Variants in PAK5 observed in about 807,000 individuals in gnomAD.
PAK5 encodes the protein serine/threonine-protein kinase PAK 5.
PAK5 carries 16 observed loss-of-function variants against 65.9 expected under a neutral mutation model. The ratio of observed to expected loss-of-function variants is 0.24; its 90% CI spans 0.16 to 0.37. The LOEUF (loss-of-function observed/expected upper bound fraction) is 0.37. PAK5 is among the 10% of genes least tolerant of loss of function. PAK5 has a pLI of 1.00. For missense variants in PAK5, 785 were observed against 903.9 expected (o/e 0.87, Z 1.69); for synonymous variants, 371 against 354.9 (o/e 1.05, Z -0.51).
chr20:9,714,797 G>A (rs868228622), intron 1 of PAK5, among the ~76,000 whole-genome samples: 1 of 152,084 alleles, frequency 6.6e-6, no homozygotes, highest in Non-Finnish European at 1.5e-5. Flanking sequence ...AATGGGGAAA[G>A]GAGTCCCTAT....
chr20:9,823,388 G>A lies in PAK5; in HGVS notation c.-162+15374C>T, dbSNP rs373610557. On this transcript the variant is annotated intron_variant, in intron 1 of 9. Coordinates refer to ENST00000353224, the MANE Select transcript of PAK5 (RefSeq NM_177990.4). Reference sequence around the variant, plus strand: ...TCTGATATGGTTTGGCTGTGTCCCCGCCCAAATCTCACCTTGAATTATAAT... The same window carrying A: ...TCTGATATGGTTTGGCTGTGTCCCCACCCAAATCTCACCTTGAATTATAAT... 4.9e-4 allele frequency among the ~76,000 whole-genome samples: 75 copies of A among 152,284 alleles called. 1 individual carries two copies. Among genetic ancestry groups the A allele is most frequent in the African/African-American group, 1.5e-3 (63 of 41,582 alleles).
intron 1 of PAK5, among the ~76,000 whole-genome samples, chr20:9,789,382 A>T (rs1194984757): frequency 6.6e-6 from 1 of 152,192 alleles, no homozygotes; most frequent in Non-Finnish European, 1.5e-5. Context: ...TCGCAATTCA[A>T]AGTGAAAAAC....
intron 1 of PAK5, among the ~76,000 whole-genome samples, chr20:9,744,113 T>C (rs993047124): frequency 2.0e-5 from 3 of 152,176 alleles, no homozygotes; most frequent in African/African-American, 7.2e-5. Flanking sequence ...GATGGTCTCC[T>C]ATGGCCTCTG....
At chr20:9,592,053 C>A (rs963373323) in intron 3 of PAK5, among the ~76,000 whole-genome samples, 1 of 152,046 alleles carries the variant, frequency 6.6e-6, no homozygotes, top group African/African-American at 2.4e-5. Context: ...ATGCCTTATG[C>A]AAAAAATAGA....
intron 1 of PAK5, among the ~76,000 whole-genome samples, chr20:9,797,354 G>C (rs1162506058): frequency 6.6e-6 from 1 of 151,908 alleles, no homozygotes; most frequent in Non-Finnish European, 1.5e-5. Flanking sequence ...TAGGGACATG[G>C]ATGAAGCTGG....
Position 9,756,055 on chromosome 20 carries a change from G to A in PAK5, c.-161-44620C>T, listed in dbSNP as rs140090483. On this transcript the variant is annotated intron_variant, in intron 1 of 9. Transcript: ENST00000353224. ...GGGCCTGTGCTGGCCCACAGGAAGT[G>A]TTCAGTAAGTATTTGCTGGGTGAAG... Among the ~76,000 whole-genome samples the A allele has an allele frequency of 3.3e-4, 50 of 152,282 alleles. 1 individual carries two copies. The highest frequency in any genetic ancestry group is 1.0e-3 in the African/African-American group (43 of 41,570).
intron 1 of PAK5, among the ~76,000 whole-genome samples, chr20:9,833,480 C>T (rs187783537): frequency 2.6e-5 from 4 of 151,032 alleles, no homozygotes; most frequent in Non-Finnish European, 5.9e-5. Context: ...CCACCTCATC[C>T]CACCACCTTC....
At chr20:9,743,398 AAAC>A (rs1295426944) in intron 1 of PAK5, among the ~76,000 whole-genome samples, 53 of 78,712 alleles carry the variant, frequency 6.7e-4, no homozygotes, top group East Asian at 2.2e-3. Flanking sequence ...AGCCAAAAAA[AAAC>A]AAACGAAACA....
intron 3 of PAK5, among the ~76,000 whole-genome samples, chr20:9,609,357 T>C (rs2046515378): frequency 6.6e-6 from 1 of 152,172 alleles, no homozygotes; most frequent in Admixed American, 6.5e-5. Context: ...GCCACCACTT[T>C]CCAGATTGAT....
chr20:9,810,135 C>T (rs546306719), intron 1 of PAK5, among the ~76,000 whole-genome samples: 59 of 152,270 alleles, frequency 3.9e-4, no homozygotes, highest in Admixed American at 1.5e-3. Flanking sequence ...ACCTCCTCTG[C>T]TCCTGGAGGG....
intron 1 of PAK5, among the ~76,000 whole-genome samples, chr20:9,793,490 A>C (rs77718472): frequency 0.016 from 2,394 of 152,202 alleles, 69 homozygotes; most frequent in African/African-American, 0.049. Context: ...ACAAGAATTC[A>C]TATCCTTTGC....
At chr20:9,568,843 A>AAAT (rs1165252423) in intron 4 of PAK5, among the ~76,000 whole-genome samples, 8 of 152,060 alleles carry the variant, frequency 5.3e-5, no homozygotes, top group Admixed American at 3.3e-4. Flanking sequence ...GAAATAATAA[A>AAAT]AATAATAATA....
At chr20:9,587,690 G>A (rs2046093796) in intron 3 of PAK5, among the ~76,000 whole-genome samples, 1 of 152,084 alleles carries the variant, frequency 6.6e-6, no homozygotes, top group Admixed American at 6.6e-5. Context: ...TGGGGCCTGG[G>A]ATGCTAGAGT....
At chr20:9,834,054 T>C (rs940884398) in intron 1 of PAK5, among the ~76,000 whole-genome samples, 25 of 152,198 alleles carry the variant, frequency 1.6e-4, no homozygotes, top group African/African-American at 6.0e-4. Context: ...CTAGTTCCTT[T>C]AGGCTTTAAT....
intron 1 of PAK5, among the ~76,000 whole-genome samples, chr20:9,730,013 A>AAAG (rs1555918272): frequency 2.3e-5 from 3 of 131,364 alleles, no homozygotes; most frequent in Admixed American, 8.7e-5. Flanking sequence ...AAAAAAAAAA[A>AAAG]AGAGAGAGAG....
At chr20:9,827,778 T>C (rs903125577) in intron 1 of PAK5, among the ~76,000 whole-genome samples, 2 of 151,946 alleles carry the variant, frequency 1.3e-5, no homozygotes, top group Admixed American at 1.3e-4. Context: ...GGAGTGGCAG[T>C]GGAGACAGGG....
chr20:9,688,356 C>T (rs1476812835), intron 2 of PAK5, among the ~76,000 whole-genome samples: 1 of 151,988 alleles, frequency 6.6e-6, no homozygotes, highest in Non-Finnish European at 1.5e-5. Context: ...CAGAGAATCT[C>T]TTTAAACTCG....
chr20:9,708,884 C>A (rs2123481653), intron 2 of PAK5, among the ~76,000 whole-genome samples: 1 of 151,886 alleles, frequency 6.6e-6, no homozygotes, highest in East Asian at 1.9e-4. Flanking sequence ...GTGATTGTAC[C>A]CCTCTTGATC....
chr20:9,701,422 A>G (rs1355818384), intron 2 of PAK5, among the ~76,000 whole-genome samples: 1 of 152,164 alleles, frequency 6.6e-6, no homozygotes, highest in Non-Finnish European at 1.5e-5. Flanking sequence ...GTCACTCAGG[A>G]TCTATGCCCA....
Sources: gnomAD v4.1 joint callset for allele counts (sites outside exome capture counted in the v4.1 genomes callset) on GRCh38, gnomAD v4.1.1 for gene constraint, MANE v1.5 for transcripts, NCBI Gene and HGNC (gene_info 2026-07-23, HGNC 2026-07-21) for gene names.